The following ASCC3 variants were observed in gnomAD, a reference collection of about 807,000 sequenced individuals.
The protein encoded by ASCC3 is ASC-1 complex subunit P200.
In ASCC3, 158 loss-of-function variants were observed where a neutral mutation model predicts 256.3. The ratio of observed to expected loss-of-function variants is 0.62; its 90% CI spans 0.54 to 0.70. ASCC3 has a LOEUF of 0.70. ASCC3 is among the 30% of genes least tolerant of loss of function. ASCC3 has a pLI of 0.00. For synonymous variants in ASCC3, 948 were observed against 883.4 expected, an observed-to-expected ratio of 1.07 and a Z score of -1.30; for missense variants, 2,259 against 2,626.0, an observed-to-expected ratio of 0.86 and a Z score of 3.05.
chr6:100,823,811 C>G (rs1255560158), intron 4 of ASCC3, among the ~76,000 whole-genome samples: 1 of 152,082 alleles, frequency 6.6e-6, no homozygotes, highest in Non-Finnish European at 1.5e-5. Context: ...TAAACAAATG[C>G]AGCTTTGAAT....
intron 27 of ASCC3, 125 bp from the exon 28 acceptor site, chr6:100,628,112 AGC>A (rs1774340455): frequency 7.9e-5 from 81 of 1,025,340 alleles, no homozygotes; most frequent in Non-Finnish European, 9.6e-5. Context: ...ACAAAAAAAA[AGC>A]TAAAGCTAGA....
chr6:100,707,680 C>T (rs754824816), intron 13 of ASCC3, among the ~76,000 whole-genome samples: 1 of 152,068 alleles, frequency 6.6e-6, no homozygotes, highest in Non-Finnish European at 1.5e-5. Context: ...AGAATTATCA[C>T]AAAATTGTCT....
At chr6:100,835,988 G>C (rs1431174442) in intron 4 of ASCC3, among the ~76,000 whole-genome samples, 1 of 151,832 alleles carries the variant, frequency 6.6e-6, no homozygotes, top group East Asian at 1.9e-4. Flanking sequence ...TCTATTCTCA[G>C]GTATTCTGTG....
intron 4 of ASCC3, among the ~76,000 whole-genome samples, chr6:100,806,770 C>T (rs1179242543): frequency 6.6e-6 from 1 of 151,746 alleles, no homozygotes; most frequent in East Asian, 1.9e-4. Context: ...AAGTTATGCA[C>T]ACAAAGGGAC....
At chr6:100,781,292 T>C (rs1320052125) in intron 8 of ASCC3, among the ~76,000 whole-genome samples, 1 of 152,158 alleles carries the variant, frequency 6.6e-6, no homozygotes, top group Admixed American at 6.5e-5. Flanking sequence ...AGTCAAATAA[T>C]TTTTTTCTAT....
chr6:100,614,899 TTC>T (rs1367427111), intron 30 of ASCC3, among the ~76,000 whole-genome samples: 4 of 152,324 alleles, frequency 2.6e-5, no homozygotes, highest in South Asian at 2.1e-4. Context: ...TAAAATTATT[TTC>T]TTTTTTAAAC....
intron 10 of ASCC3, among the ~76,000 whole-genome samples, chr6:100,732,804 C>A (rs902730654): frequency 1.8e-4 from 27 of 152,090 alleles, no homozygotes; most frequent in Admixed American, 1.1e-3. Context: ...ATTCGAGTAA[C>A]TGCCACTGCC....
At chr6:100,744,072 G>C (rs1430811998) in intron 10 of ASCC3, among the ~76,000 whole-genome samples, 14 of 152,084 alleles carry the variant, frequency 9.2e-5, no homozygotes. Flanking sequence ...GCTACATAAA[G>C]GATTTTACCC....
At chr6:100,679,588 G>A (rs1290196364) in intron 14 of ASCC3, 30 bp downstream of exon 14, 1 of 1,612,652 alleles carries the variant, frequency 6.2e-7, no homozygotes. Context: ...CATGTTACAT[G>A]CTTTAGTTCT....
chr6:100,845,796 AAG>A (rs964971546), intron 4 of ASCC3, among the ~76,000 whole-genome samples: 6 of 152,176 alleles, frequency 3.9e-5, no homozygotes, highest in Admixed American at 6.6e-5. Flanking sequence ...CTTTTTAAAA[AAG>A]ACTTTAATAG....
At chr6:100,871,068 C>T (rs1336319251) in intron 1 of ASCC3, among the ~76,000 whole-genome samples, 1 of 151,988 alleles carries the variant, frequency 6.6e-6, no homozygotes, top group Non-Finnish European at 1.5e-5. Context: ...AGTTGAGAAC[C>T]ACTGTCTTAG....
chr6:100,753,650 C>G lies in ASCC3; in HGVS notation c.1737+12915G>C, dbSNP rs1781046820. Among the ~76,000 whole-genome samples, 4 of 152,140 alleles carry G rather than the reference C, an allele frequency of 2.6e-5. No individual in the cohort carries two copies. The South Asian group carries it at 6.2e-4, about 24-fold the overall frequency. The stretch of plus-strand genomic sequence containing the variant: ...GCCTTAGCCACTCGAGTAGTTGGTA[C>G]TGCAGGCTCTTGCCACTGCGTCCTG... On this transcript the variant is annotated intron_variant, in intron 10 of 41. Transcript: ENST00000369162.
At chr6:100,601,195 T>A (rs1455325305) in intron 34 of ASCC3, among the ~76,000 whole-genome samples, 1 of 152,106 alleles carries the variant, frequency 6.6e-6, no homozygotes, top group African/African-American at 2.4e-5. Flanking sequence ...TAGGCTTGAA[T>A]ATCGTTCTAC....
At chr6:100,554,824 AT>A (rs1769487335) in intron 36 of ASCC3, among the ~76,000 whole-genome samples, 1 of 152,102 alleles carries the variant, frequency 6.6e-6, no homozygotes, top group Non-Finnish European at 1.5e-5. Flanking sequence ...GATAAAAAAA[AT>A]GCCTTATATT....
chr6:100,793,746 ACTTGCCT>A (rs1338128089), intron 8 of ASCC3, among the ~76,000 whole-genome samples: 390 of 2,488 alleles, frequency 0.16, 4 homozygotes, highest in African/African-American at 0.19. Context: ...AGGTTAAGTA[ACTTGCCT>A]AAAGGTTAAG....
At chr6:100,605,519 C>T in intron 33 of ASCC3, 49 bp downstream of exon 33, 1 of 1,352,400 alleles carries the variant, frequency 7.4e-7, no homozygotes. Flanking sequence ...AGAAAAACAC[C>T]AACTTGTGAT....
At chr6:100,844,991 T>G (rs1268233842) in intron 4 of ASCC3, among the ~76,000 whole-genome samples, 1 of 152,200 alleles carries the variant, frequency 6.6e-6, no homozygotes, top group East Asian at 1.9e-4. Context: ...TTCATCCTTT[T>G]ATTTCAGCCA....
chr6:100,789,247 T>G (rs1769234601), intron 8 of ASCC3, among the ~76,000 whole-genome samples: 1 of 151,924 alleles, frequency 6.6e-6, no homozygotes, highest in South Asian at 2.1e-4. Context: ...CTTCTCTACA[T>G]GAGATCTGAA....
At chr6:100,565,236 C>T (rs1770172902) in intron 36 of ASCC3, among the ~76,000 whole-genome samples, 1 of 152,076 alleles carries the variant, frequency 6.6e-6, no homozygotes, top group Non-Finnish European at 1.5e-5. Flanking sequence ...AGCCAGGTTT[C>T]CAATGGGTTC....
Sources: allele counts gnomAD v4.1 joint callset (sites outside exome capture counted in the v4.1 genomes callset), GRCh38; gene constraint gnomAD v4.1.1; transcripts MANE v1.5; gene names NCBI Gene and HGNC (gene_info 2026-07-23, HGNC 2026-07-21).